Variants in ANO1 observed in about 807,000 individuals in gnomAD.
ANO1 encodes the protein anoctamin-1.
ANO1 carries 59 observed loss-of-function variants against 124.0 expected under a neutral mutation model. That is an observed-to-expected ratio of 0.48 (90% confidence interval 0.39 to 0.59). The LOEUF is 0.59. ANO1 is among the 20% of genes least tolerant of loss of function. ANO1 has a pLI of 0.00. For synonymous variants in ANO1, 529 were observed against 532.0 expected (o/e 0.99, Z 0.08); for missense variants, 1,059 against 1,328.0 (o/e 0.80, Z 3.15).
intron 1 of ANO1, among the ~76,000 whole-genome samples, chr11:70,037,443 C>T (rs11237461): frequency 0.24 from 36,285 of 151,768 alleles, 4,937 homozygotes; most frequent in South Asian, 0.33. Context: ...GGACACCACA[C>T]GCAGAAAGCA....
intron 1 of ANO1, among the ~76,000 whole-genome samples, chr11:69,995,456 C>A (rs190936524): frequency 6.6e-6 from 1 of 152,148 alleles, no homozygotes; most frequent in East Asian, 1.9e-4. Context: ...TTTTATCTAA[C>A]ATCTGTTTCT....
At chr11:70,074,056 G>A (rs1591076833), upstream of ANO1, among the ~76,000 whole-genome samples, 1 of 152,122 alleles carries the variant, frequency 6.6e-6, no homozygotes, top group South Asian at 2.1e-4. Context: ...CTTCCCCGGG[G>A]TAATTATAGC....
chr11:70,095,366 GAA>G (rs1163682798), intron 2 of ANO1, among the ~76,000 whole-genome samples: 1 of 24,484 alleles, frequency 4.1e-5, no homozygotes, highest in South Asian at 1.7e-3. Context: ...AAGAAAGAAA[GAA>G]AGAAAGAAAG....
intron 10 of ANO1, among the ~76,000 whole-genome samples, chr11:70,130,457 G>A (rs1315417506): frequency 6.6e-6 from 1 of 152,186 alleles, no homozygotes; most frequent in Non-Finnish European, 1.5e-5. Flanking sequence ...CCACTCTGCT[G>A]CGTGGCCCTG....
intron 1 of ANO1, among the ~76,000 whole-genome samples, chr11:70,052,531 C>CTTTTTTTTCTTT (rs1857365075): frequency 1.5e-5 from 1 of 65,930 alleles, no homozygotes; most frequent in Admixed American, 1.6e-4. Flanking sequence ...TTTTTCTTTT[C>CTTTTTTTTCTTT]TTTTTTTTTT....
chr11:70,111,021 G>C, intron 6 of ANO1: 1 of 419,172 alleles, frequency 2.4e-6, no homozygotes, highest in South Asian at 1.7e-5. Flanking sequence ...AGCACTGGAC[G>C]GCTGTGAGTC....
chr11:70,041,168 G>A (rs1335750335), intron 1 of ANO1, among the ~76,000 whole-genome samples: 2 of 152,128 alleles, frequency 1.3e-5, no homozygotes, highest in Admixed American at 6.5e-5. Context: ...TAAATCACAA[G>A]CAACATTGGC....
At chr11:70,079,463 G>A (rs915850395) in intron 1 of ANO1, among the ~76,000 whole-genome samples, 1 of 152,116 alleles carries the variant, frequency 6.6e-6, no homozygotes, top group Non-Finnish European at 1.5e-5. Context: ...ACCCTCCCCA[G>A]GGCCAGACCC....
upstream of ANO1, among the ~76,000 whole-genome samples, chr11:69,981,365 T>C (rs181244329): frequency 5.9e-5 from 9 of 152,352 alleles, no homozygotes; most frequent in East Asian, 5.8e-4. Context: ...ACGTACTACG[T>C]AGACTTGCTG....
At chr11:70,167,799 C>T (rs572684659) in intron 21 of ANO1, among the ~76,000 whole-genome samples, 6 of 152,254 alleles carry the variant, frequency 3.9e-5, no homozygotes, top group African/African-American at 1.4e-4. Flanking sequence ...CCTCACCAGC[C>T]GAGGGCCCGG....
At chr11:70,171,092 G>A (rs2048453149) in intron 22 of ANO1, 53 bp downstream of exon 22, 1 of 1,577,576 alleles carries the variant, frequency 6.3e-7, no homozygotes. Context: ...GCTGGGTTTG[G>A]GGAGGGGGTT....
Position 70,161,295 on chromosome 11 carries a change from C to G in ANO1, c.1713C>G (p.Ile571Met). The G allele has an allele frequency of 6.2e-7, 1 of 1,613,932 alleles. No individual in the cohort carries two copies. The highest frequency in any genetic ancestry group is 8.5e-7 in the Non-Finnish European group (1 of 1,179,800). Residue 571 changes from isoleucine (I) to methionine (M), a missense_variant, in exon 17 of 26, where the codon ATC becomes ATG. Ile to Met is a conservative substitution (Grantham distance 10). Transcript: ENST00000355303. ...CAGTCACAGCCACCGCAGTCATCAT[C>G]AACCTAGTGGTCATCATCCTCCTGG... ...RVTVTATAVI[I>M]NLVVIILLDE...
upstream of ANO1, among the ~76,000 whole-genome samples, chr11:69,983,447 C>T (rs1036096987): frequency 4.6e-5 from 7 of 152,198 alleles, no homozygotes; most frequent in Non-Finnish European, 8.8e-5. Context: ...ACGCCACCTC[C>T]CCGAGCCAGT....
At chr11:70,096,766 C>A (rs540676500) in intron 2 of ANO1, among the ~76,000 whole-genome samples, 1 of 152,040 alleles carries the variant, frequency 6.6e-6, no homozygotes, top group African/African-American at 2.4e-5. Context: ...GAGGCTGAGG[C>A]GGGAGAATTG....
At chr11:70,101,043 T>C (rs1255381132) in intron 2 of ANO1, among the ~76,000 whole-genome samples, 4 of 151,922 alleles carry the variant, frequency 2.6e-5, no homozygotes, top group African/African-American at 9.7e-5. Context: ...GAAGGAGCGA[T>C]GAGACAGGAT....
At chr11:69,989,701 AG>A (rs1339956913) in intron 1 of ANO1, among the ~76,000 whole-genome samples, 5 of 152,126 alleles carry the variant, frequency 3.3e-5, no homozygotes, top group African/African-American at 1.2e-4. Context: ...TACAGAGAAA[AG>A]GCTGATGGGC....
intron 8 of ANO1, among the ~76,000 whole-genome samples, chr11:70,122,757 C>A (rs557826757): frequency 1.3e-5 from 2 of 151,976 alleles, no homozygotes; most frequent in African/African-American, 2.4e-5. Context: ...CTGTCTCCCC[C>A]CTTCCTCCCT....
At chr11:70,034,951 G>A (rs543365412) in intron 1 of ANO1, among the ~76,000 whole-genome samples, 1 of 151,804 alleles carries the variant, frequency 6.6e-6, no homozygotes, top group East Asian at 1.9e-4. Flanking sequence ...CCCAGACCAG[G>A]AAGGGGCAGA....
At chr11:70,009,350 C>T (rs1326325185) in intron 1 of ANO1, among the ~76,000 whole-genome samples, 1 of 152,120 alleles carries the variant, frequency 6.6e-6, no homozygotes, top group Non-Finnish European at 1.5e-5. Context: ...TTGAAACTCT[C>T]AGAGGAGGCA....
Sources: gnomAD v4.1 joint callset for allele counts (sites outside exome capture counted in the v4.1 genomes callset) on GRCh38, gnomAD v4.1.1 for gene constraint, MANE v1.5 for transcripts, NCBI Gene and HGNC (gene_info 2026-07-23, HGNC 2026-07-21) for gene names.